The following EXT2 variants were observed in gnomAD, a reference collection of about 807,000 sequenced individuals.
EXT2 encodes exostosin glycosyltransferase 2.
A neutral mutation model predicts 81.6 loss-of-function variants in EXT2; 53 were observed. The observed-to-expected ratio is 0.65, with a 90% CI of 0.52 to 0.82. The LOEUF (loss-of-function observed/expected upper bound fraction) is 0.82, where lower values mean the gene tolerates loss of function less well. Among genes scored for constraint, EXT2 ranks in the 40% least tolerant of loss-of-function variants. EXT2 has a pLI of 0.00. For missense variants in EXT2, 774 were observed against 910.2 expected (o/e 0.85, Z 1.93); for synonymous variants, 320 against 340.0 (o/e 0.94, Z 0.65).
At chr11:44,152,090 G>C (rs745574018) in intron 7 of EXT2, among the ~76,000 whole-genome samples, 1 of 152,014 alleles carries the variant, frequency 6.6e-6, no homozygotes, top group Non-Finnish European at 1.5e-5. Context: ...AGAGTTTTAC[G>C]AGTATTTTGT....
chr11:44,165,611 T>C (rs996971310), intron 7 of EXT2, among the ~76,000 whole-genome samples: 3 of 152,234 alleles, frequency 2.0e-5, no homozygotes, highest in African/African-American at 7.2e-5. Flanking sequence ...TATTGTTTTC[T>C]ATAAATCCCA....
chr11:44,203,332 G>A (rs1471362589), intron 9 of EXT2, among the ~76,000 whole-genome samples: 1 of 152,250 alleles, frequency 6.6e-6, no homozygotes, highest in South Asian at 2.1e-4. Flanking sequence ...ATAAACTTGG[G>A]AGAGCCCCTT....
At chr11:44,130,898 CCT>C (rs1565206176) in intron 7 of EXT2, among the ~76,000 whole-genome samples, 5 of 152,222 alleles carry the variant, frequency 3.3e-5, no homozygotes. Context: ...CATGCCACCC[CCT>C]GCTGTTAGTT....
At chr11:44,137,143 T>G (rs933359209) in intron 7 of EXT2, among the ~76,000 whole-genome samples, 2 of 152,206 alleles carry the variant, frequency 1.3e-5, no homozygotes, top group African/African-American at 4.8e-5. Context: ...TGTTTAACTA[T>G]TTTTTTCAAC....
chr11:44,121,146 T>C (rs377301467), intron 4 of EXT2, among the ~76,000 whole-genome samples: 2 of 152,170 alleles, frequency 1.3e-5, no homozygotes, highest in East Asian at 1.9e-4. Context: ...CCTAGTGGGG[T>C]GGGAGCTTCT....
chr11:44,242,576 C>T (rs1956049466), intron 13 of EXT2, among the ~76,000 whole-genome samples: 1 of 152,128 alleles, frequency 6.6e-6, no homozygotes, highest in Non-Finnish European at 1.5e-5. Flanking sequence ...AGTTACTTAA[C>T]CTCTCTGAAC....
At chr11:44,212,385 A>G (rs1006722769) in intron 10 of EXT2, among the ~76,000 whole-genome samples, 3 of 151,870 alleles carry the variant, frequency 2.0e-5, no homozygotes, top group African/African-American at 7.2e-5. Flanking sequence ...ACACACAAAA[A>G]AAGTCCTCAA....
intron 13 of EXT2, among the ~76,000 whole-genome samples, chr11:44,239,848 T>C (rs2135275405): frequency 6.6e-6 from 1 of 152,194 alleles, no homozygotes; most frequent in Middle Eastern, 3.4e-3. Flanking sequence ...CAGTCATCCC[T>C]CGGTATCCAC....
rs1002172891 is a variant in EXT2 at position 44,169,484 on chromosome 11, A to T, written c.1174-2127A>T. 1.1e-4 allele frequency among the ~76,000 whole-genome samples: 16 copies of T among 152,090 alleles called. No individual in the cohort carries two copies. The East Asian group carries it at 1.9e-3, about 18-fold the overall frequency. On this transcript the variant is annotated intron_variant, in intron 7 of 13. Coordinates refer to ENST00000533608, the MANE Select transcript of EXT2 (RefSeq NM_207122.2). ...ACAAAAATGTGGAATAATAATAAAA[A>T]TTTTTTGATCAATTCTAAAGGTGAG...
intron 7 of EXT2, chr11:44,144,170 A>G (rs545139637): frequency 3.2e-6 from 4 of 1,242,644 alleles, no homozygotes; most frequent in South Asian, 2.4e-5. Flanking sequence ...CTTTATAGCT[A>G]GTTGACCCAA....
intron 8 of EXT2, among the ~76,000 whole-genome samples, chr11:44,184,619 C>T (rs1159459924): frequency 2.0e-5 from 3 of 152,042 alleles, no homozygotes; most frequent in Admixed American, 6.6e-5. Flanking sequence ...GGCGTGGTGG[C>T]GGGCGCCTGT....
At chr11:44,235,804 A>G (rs1219584128) in intron 12 of EXT2, among the ~76,000 whole-genome samples, 1 of 152,126 alleles carries the variant, frequency 6.6e-6, no homozygotes, top group Non-Finnish European at 1.5e-5. Flanking sequence ...GGGACGATTC[A>G]ATTTTTTTCT....
At chr11:44,203,547 T>G (rs1955545600) in intron 9 of EXT2, among the ~76,000 whole-genome samples, 1 of 152,154 alleles carries the variant, frequency 6.6e-6, no homozygotes, top group Admixed American at 6.5e-5. Context: ...CACCTGGAAC[T>G]ACCCACAGGG....
chr11:44,217,532 G>A (rs555113809), intron 10 of EXT2, among the ~76,000 whole-genome samples: 9 of 152,298 alleles, frequency 5.9e-5, no homozygotes, highest in African/African-American at 2.2e-4. Flanking sequence ...GCTCTAGTGA[G>A]CTACCAGATG....
Position 44,171,774 on chromosome 11 carries a change from C to T in EXT2, c.1305+32C>T, listed in dbSNP as rs765270134. 10 of 1,613,286 alleles carry T rather than the reference C, an allele frequency of 6.2e-6. No homozygotes were observed. The Admixed American group carries it at 1.7e-4, about 27-fold the overall frequency. ...GAATTCCAGTGCTAGCCACATGAGG[C>T]ATGGTCCAGCTGTCAGGGTGGGTGG... On this transcript the variant is annotated intron_variant, in intron 8 of 13. Transcript: ENST00000533608.
At chr11:44,213,749 A>G (rs1474818182) in intron 10 of EXT2, among the ~76,000 whole-genome samples, 1 of 152,216 alleles carries the variant, frequency 6.6e-6, no homozygotes, top group African/African-American at 2.4e-5. Flanking sequence ...ATCACAAAAG[A>G]TATAATATTT....
rs187187709 is a variant in EXT2, at chr11:44,206,486, A to G, written c.1496-307A>G. 1.8e-3 allele frequency among the ~76,000 whole-genome samples: 270 copies of G among 152,304 alleles called. 3 individuals are homozygous for G. The highest frequency in any genetic ancestry group is 6.2e-3 in the African/African-American group (259 of 41,562). ...GCCTCTCAATTGTGAATTGAAGCCAATTTGTTCATTCTAGTTAGGACAGTA... is the reference window on the plus strand; with the variant it reads ...GCCTCTCAATTGTGAATTGAAGCCAGTTTGTTCATTCTAGTTAGGACAGTA... On this transcript the variant is annotated intron_variant, in intron 9 of 13. Transcript: ENST00000533608.
chr11:44,111,589 ATC>A (rs1954143238), intron 3 of EXT2, among the ~76,000 whole-genome samples: 1 of 152,194 alleles, frequency 6.6e-6, no homozygotes, highest in Non-Finnish European at 1.5e-5. Context: ...CTTTGCAAAT[ATC>A]TCTCACACAT....
intron 1 of EXT2, among the ~76,000 whole-genome samples, chr11:44,101,532 G>A (rs1187980963): frequency 2.0e-5 from 3 of 152,206 alleles, no homozygotes; most frequent in Admixed American, 1.3e-4. Context: ...AATAAATGCG[G>A]TGGAGGCATC....
Sources: allele counts gnomAD v4.1 joint callset (sites outside exome capture counted in the v4.1 genomes callset), GRCh38; gene constraint gnomAD v4.1.1; transcripts MANE v1.5; gene names NCBI Gene and HGNC (gene_info 2026-07-23, HGNC 2026-07-21).